The following ABCB4 variants were observed in gnomAD, a reference collection of about 807,000 sequenced individuals.
ABCB4 encodes the protein ATP binding cassette subfamily B member 4.
A neutral mutation model predicts 145.7 loss-of-function variants in ABCB4; 76 were observed. The ratio of observed to expected loss-of-function variants is 0.52; its 90% CI spans 0.43 to 0.63. The LOEUF is 0.63. Among genes scored for constraint, ABCB4 ranks in the 30% least tolerant of loss-of-function variants. The probability of loss-of-function intolerance (pLI) is 0.00; values close to 1 mark genes in which losing one functional copy is unlikely to be tolerated. For synonymous variants in ABCB4, 517 were observed against 566.8 expected (o/e 0.91, Z 1.25); for missense variants, 1,234 against 1,553.1 (o/e 0.79, Z 3.45).
At chr7:87,465,824 C>G (rs1190554462) in intron 3 of ABCB4, among the ~76,000 whole-genome samples, 1 of 152,190 alleles carries the variant, frequency 6.6e-6, no homozygotes, top group African/African-American at 2.4e-5. Flanking sequence ...CTCCAACAGA[C>G]CTGCGGCTGA....
At chr7:87,426,695 T>A in intron 16 of ABCB4, 55 bp downstream of exon 16, 1 of 1,548,276 alleles carries the variant, frequency 6.5e-7, no homozygotes, top group Admixed American at 1.7e-5. Context: ...AGAATTTCAA[T>A]AATTGTAGCA....
intron 3 of ABCB4, 56 bp downstream of exon 3, chr7:87,472,565 T>C: frequency 7.1e-7 from 1 of 1,415,296 alleles, no homozygotes; most frequent in Admixed American, 1.7e-5. Flanking sequence ...ATTGATTCAA[T>C]ACCTCAAATT....
At chr7:87,397,572 G>A (rs936631474), downstream of ABCB4, among the ~76,000 whole-genome samples, 1 of 152,170 alleles carries the variant, frequency 6.6e-6, no homozygotes, top group African/African-American at 2.4e-5. Context: ...AACATGTTTA[G>A]ATGCTGCTAA....
chr7:87,459,896 G>T (rs1270767729), intron 4 of ABCB4, among the ~76,000 whole-genome samples: 4 of 152,180 alleles, frequency 2.6e-5, no homozygotes, highest in Non-Finnish European at 5.9e-5. Context: ...TCTAATAAAT[G>T]GTGCTTTATG....
rs863225298 is a variant in ABCB4, at chr7:87,443,683, G to C, written c.1210C>G (p.Pro404Ala). 2 of 1,613,746 alleles carry C rather than the reference G, an allele frequency of 1.2e-6. No homozygotes were observed. The highest frequency in any genetic ancestry group is 1.6e-4 in the Middle Eastern group (1 of 6,062). The stretch of plus-strand genomic sequence containing the variant: ...AGTACCTTGACGTTAGCTCGAGAAG[G>C]GTAAGAAAAGTGAACATCATTGAAC... ...LEFNDVHFSY[P>A]SRANVKILKG... The change falls in exon 11 of 28, where the codon CCT (proline) becomes GCT (alanine). Residue 404 changes from proline (P) to alanine (A), a missense_variant. By Grantham distance (27) the Pro-to-Ala change is conservative. Transcript: ENST00000649586.
At chr7:87,379,157 C>T in the ABCB4 span, among the ~76,000 whole-genome samples, 1 of 152,184 alleles carries the variant, frequency 6.6e-6, no homozygotes, top group African/African-American at 2.4e-5. Context: ...CCCTTCATTT[C>T]CCTTTGACCT....
At chr7:87,466,217 G>A (rs1008117417) in intron 3 of ABCB4, among the ~76,000 whole-genome samples, 1 of 152,174 alleles carries the variant, frequency 6.6e-6, no homozygotes, top group African/African-American at 2.4e-5. Flanking sequence ...ACCTGATGGA[G>A]CTGAAAACCA....
intron 16 of ABCB4, among the ~76,000 whole-genome samples, chr7:87,426,201 C>G (rs1223169069): frequency 6.6e-6 from 1 of 152,122 alleles, no homozygotes; most frequent in African/African-American, 2.4e-5. Flanking sequence ...CACCTTAGAT[C>G]ATAAGTGACC....
At chr7:87,412,517 A>G (rs1305329820) in intron 22 of ABCB4, among the ~76,000 whole-genome samples, 1 of 152,184 alleles carries the variant, frequency 6.6e-6, no homozygotes, top group African/African-American at 2.4e-5. Flanking sequence ...GATATACACC[A>G]GAAGTCCTTT....
the ABCB4 span, among the ~76,000 whole-genome samples, chr7:87,389,471 C>T: frequency 6.6e-6 from 1 of 152,102 alleles, no homozygotes; most frequent in Non-Finnish European, 1.5e-5. Context: ...ATGTCCTTTG[C>T]AGGGACATGG....
At chr7:87,447,851 A>C (rs959800755) in intron 8 of ABCB4, among the ~76,000 whole-genome samples, 4 of 152,222 alleles carry the variant, frequency 2.6e-5, no homozygotes, top group Admixed American at 2.0e-4. Context: ...TATATGAAAA[A>C]TGGATTTAAT....
chr7:87,375,776 G>A, the ABCB4 span: 2 of 1,612,230 alleles, frequency 1.2e-6, no homozygotes, highest in Admixed American at 1.7e-5. Context: ...AAACTCTTTT[G>A]ATGTATTGTA....
chr7:87,382,649 C>T, the ABCB4 span: 23 of 1,120,826 alleles, frequency 2.1e-5, no homozygotes, highest in South Asian at 1.3e-4. Context: ...CACTTTTTTC[C>T]CAGCTGGTAC....
chr7:87,454,487 T>G, intron 5 of ABCB4, 48 bp downstream of exon 5: 2 of 1,378,152 alleles, frequency 1.5e-6, no homozygotes, highest in South Asian at 1.2e-5. Context: ...TAATTGGAAA[T>G]TATCTTCAAA....
At chr7:87,381,888 A>G in the ABCB4 span, 14 of 1,538,580 alleles carry the variant, frequency 9.1e-6, no homozygotes, top group Non-Finnish European at 1.2e-5. Flanking sequence ...GTATTCAGAA[A>G]TCTTGTGTGT....
At chr7:87,406,006 A>G (rs1001687217) in intron 26 of ABCB4, 3 of 510,544 alleles carry the variant, frequency 5.9e-6, no homozygotes, top group African/African-American at 5.7e-5. Context: ...TAAAAGTACC[A>G]TAGGGCTAAA....
chr7:87,446,779 T>A (rs1477931706), intron 9 of ABCB4, among the ~76,000 whole-genome samples: 1 of 152,240 alleles, frequency 6.6e-6, no homozygotes, highest in Non-Finnish European at 1.5e-5. Context: ...ATTCATCCCA[T>A]TTTTATTTCC....
the ABCB4 span, chr7:87,375,439 A>G: frequency 2.0e-6 from 1 of 509,320 alleles, no homozygotes. Flanking sequence ...ATTGTCAAAT[A>G]TGCTTTTGGT....
chr7:87,406,569 A>G, intron 25 of ABCB4, 75 bp from the exon 26 acceptor site: 1 of 1,521,824 alleles, frequency 6.6e-7, no homozygotes, highest in Non-Finnish European at 8.9e-7. Context: ...TAGATTGTCC[A>G]TTTGGAGGAT....
Sources: gnomAD v4.1 joint callset for allele counts (sites outside exome capture counted in the v4.1 genomes callset) on GRCh38, gnomAD v4.1.1 for gene constraint, MANE v1.5 for transcripts, NCBI Gene and HGNC (gene_info 2026-07-23, HGNC 2026-07-21) for gene names.